PDXDC1: variants seen among roughly 807,000 people sequenced by gnomAD.
PDXDC1 encodes the protein pyridoxal-dependent decarboxylase domain-containing protein 1.
A neutral mutation model predicts 100.1 loss-of-function variants in PDXDC1; 42 were observed. That is an observed-to-expected ratio of 0.42 (90% CI 0.33 to 0.54). PDXDC1 has a LOEUF of 0.54. Ranked by LOEUF, PDXDC1 falls within the 20% of genes least tolerant of loss-of-function variation. PDXDC1 has a pLI of 0.10. For missense variants in PDXDC1, 636 were observed against 979.2 expected (o/e 0.65, Z 4.68); for synonymous variants, 260 against 371.7 (o/e 0.70, Z 3.46).
chr16:15,131,454 G>A, intron 16 of PDXDC1: 1 of 1,608,196 alleles, frequency 6.2e-7, no homozygotes, highest in African/African-American at 1.3e-5. Context: ...GGATGGAGAA[G>A]TGGCAGCCAG....
chr16:15,014,222 A>T (rs1373372856), intron 8 of PDXDC1, among the ~76,000 whole-genome samples: 1 of 150,848 alleles, frequency 6.6e-6, no homozygotes, highest in African/African-American at 2.4e-5. Context: ...AAAAAAAAAA[A>T]GACAAAATAG....
chr16:15,109,571 C>T (rs1361009129), intron 16 of PDXDC1, among the ~76,000 whole-genome samples: 4 of 127,342 alleles, frequency 3.1e-5, no homozygotes, highest in Admixed American at 9.2e-5. Context: ...GGATAAGAAT[C>T]GTTTGAACCT....
chr16:15,020,926 A>ATTAC, intron 12 of PDXDC1, among the ~76,000 whole-genome samples: 1 of 152,324 alleles, frequency 6.6e-6, no homozygotes, highest in Non-Finnish European at 1.5e-5. Context: ...CAGAGGTTGC[A>ATTAC]GTAAGCCAAG....
chr16:15,094,406 G>C (rs892343393), intron 16 of PDXDC1: 9 of 637,648 alleles, frequency 1.4e-5, no homozygotes, highest in Middle Eastern at 4.2e-4. Context: ...CCCGCTCCTC[G>C]TTCTACTTGG....
intron 16 of PDXDC1, among the ~76,000 whole-genome samples, chr16:15,054,649 G>A (rs749526013): frequency 3.9e-5 from 6 of 152,110 alleles, no homozygotes; most frequent in South Asian, 2.1e-4. Flanking sequence ...CCTTCTCCCC[G>A]TCAGTAAGTC....
intron 16 of PDXDC1, among the ~76,000 whole-genome samples, chr16:15,074,493 C>G (rs1046918526): frequency 6.6e-6 from 1 of 152,166 alleles, no homozygotes; most frequent in Non-Finnish European, 1.5e-5. Flanking sequence ...TCTTTCAATA[C>G]AACAATCAGT....
intron 13 of PDXDC1, among the ~76,000 whole-genome samples, chr16:15,024,518 T>C: frequency 6.6e-6 from 1 of 152,212 alleles, no homozygotes; most frequent in Non-Finnish European, 1.5e-5. Context: ...GTTCAAGCAG[T>C]TCTCCTGCCT....
chr16:15,076,679 A>G (rs776156511), intron 16 of PDXDC1: 2 of 1,441,670 alleles, frequency 1.4e-6, no homozygotes, highest in Non-Finnish European at 2.0e-6. Context: ...AAAAAAGAAT[A>G]AAAGGATTTA....
intron 16 of PDXDC1, among the ~76,000 whole-genome samples, chr16:15,093,389 C>T (rs957475216): frequency 6.6e-6 from 1 of 152,184 alleles, no homozygotes; most frequent in African/African-American, 2.4e-5. Flanking sequence ...TCTCCCTTCT[C>T]CCTCCCCCAT....
At chr16:15,058,814 T>C (rs1315229109) in intron 16 of PDXDC1, among the ~76,000 whole-genome samples, 3 of 152,242 alleles carry the variant, frequency 2.0e-5, no homozygotes, top group Non-Finnish European at 2.9e-5. Context: ...AATTTTTTAA[T>C]GTAGAGATGG....
At chr16:15,104,837 C>G (rs1337636284) in intron 16 of PDXDC1, 2 of 1,509,714 alleles carry the variant, frequency 1.3e-6, no homozygotes, top group Non-Finnish European at 1.8e-6. Flanking sequence ...CAGTCTGCAC[C>G]TTCTGTTGCT....
At position 15,135,797 on chromosome 16, in the gene PDXDC1, A is replaced by C; in HGVS notation, c.1400-3082A>C. On this transcript the variant is annotated intron_variant, in intron 16 of 16. Transcript: ENST00000535621. ...TGAGCCACCCTCAGTGATGGGCACC[A>C]GGCGCTCAGGGGCCACCGTCACATT... 12 of 1,537,156 alleles carry C rather than the reference A, an allele frequency of 7.8e-6. No homozygotes were observed. The South Asian group carries it at 1.3e-4, about 17-fold the overall frequency.
intron 3 of PDXDC1, among the ~76,000 whole-genome samples, chr16:15,000,564 C>T (rs1972923616): frequency 6.6e-6 from 1 of 152,290 alleles, no homozygotes; most frequent in Non-Finnish European, 1.5e-5. Context: ...TTCTCATTAA[C>T]AGACGAATAG....
the PDXDC1 span, among the ~76,000 whole-genome samples, chr16:15,147,549 CAG>C: frequency 2.6e-5 from 4 of 152,292 alleles, no homozygotes; most frequent in East Asian, 1.9e-4. Context: ...CTTTTTGAGA[CAG>C]AGTTTCACTC....
At chr16:15,032,688 T>C in intron 17 of PDXDC1, 173 bp from the exon 18 acceptor site, 3 of 467,674 alleles carry the variant, frequency 6.4e-6, no homozygotes, top group Non-Finnish European at 1.1e-5. Flanking sequence ...TGTGACTTTC[T>C]CTTTACTCCT....
chr16:15,131,595 G>A lies in PDXDC1; in HGVS notation c.1400-7284G>A. Reference sequence around the variant, plus strand: ...GGGAGCGCGTGAGGATGCGCATGAGGGCAGAGGTCAGGTTGTAGGCCTGGG... The same window carrying A: ...GGGAGCGCGTGAGGATGCGCATGAGAGCAGAGGTCAGGTTGTAGGCCTGGG... On this transcript the variant is annotated intron_variant, in intron 16 of 16. Coordinates refer to the PDXDC1 transcript ENST00000535621. The A allele has an allele frequency of 1.9e-6, 3 of 1,604,208 alleles. No individual in the cohort carries two copies. The South Asian group carries it at 3.3e-5, about 18-fold the overall frequency.
At chr16:15,129,753 C>T (rs1006370913) in intron 16 of PDXDC1, 9 of 634,628 alleles carry the variant, frequency 1.4e-5, no homozygotes, top group African/African-American at 1.8e-5. Context: ...GATGAACACA[C>T]GAGCCCTTCA....
At chr16:15,002,302 C>G (rs1359869267) in intron 4 of PDXDC1, among the ~76,000 whole-genome samples, 1 of 152,298 alleles carries the variant, frequency 6.6e-6, no homozygotes, top group Non-Finnish European at 1.5e-5. Context: ...CTTCCTACCT[C>G]TATCTCCCTA....
At chr16:15,149,078 C>T in the PDXDC1 span, among the ~76,000 whole-genome samples, 1 of 152,196 alleles carries the variant, frequency 6.6e-6, no homozygotes, top group East Asian at 1.9e-4. Context: ...TGCAGGTCCT[C>T]ACCACTGCCT....
Sources: gnomAD v4.1 joint callset for allele counts (sites outside exome capture counted in the v4.1 genomes callset) on GRCh38, gnomAD v4.1.1 for gene constraint, MANE v1.5 for transcripts, NCBI Gene and HGNC (gene_info 2026-07-23, HGNC 2026-07-21) for gene names.